Variants in CACNB1 observed in about 807,000 individuals in gnomAD.
CACNB1 encodes the protein voltage-dependent L-type calcium channel subunit beta-1.
Under a neutral mutation model 71.6 loss-of-function variants are expected in CACNB1, and 29 were observed. That is an observed-to-expected ratio of 0.40 (90% CI 0.30 to 0.55). The LOEUF is 0.55. Among genes scored for constraint, CACNB1 ranks in the 20% least tolerant of loss-of-function variants. The probability of loss-of-function intolerance (pLI) is 0.38; values close to 1 mark genes in which losing one functional copy is unlikely to be tolerated. For missense variants in CACNB1, 623 were observed against 801.8 expected, an observed-to-expected ratio of 0.78 and a Z score of 2.69; for synonymous variants, 300 against 319.6, an observed-to-expected ratio of 0.94 and a Z score of 0.65.
At chr17:39,176,012 T>A (rs901774689) in intron 13 of CACNB1, among the ~76,000 whole-genome samples, 1 of 152,204 alleles carries the variant, frequency 6.6e-6, no homozygotes, top group Non-Finnish European at 1.5e-5. Flanking sequence ...GTATTGCCAC[T>A]CATTAGCGGT....
chr17:39,177,024 GCTCCCATCAGGC>G, intron 13 of CACNB1: 1 of 944,084 alleles, frequency 1.1e-6, no homozygotes, highest in Non-Finnish European at 1.4e-6. Context: ...TCTTAAAAGC[GCTCCCATCAGGC>G]CTCATATCCA....
intron 11 of CACNB1, among the ~76,000 whole-genome samples, chr17:39,178,483 C>T (rs1351685169): frequency 5.9e-5 from 9 of 151,680 alleles, no homozygotes; most frequent in Non-Finnish European, 1.2e-4. Flanking sequence ...TGGGCTCAAG[C>T]GAGCCCCCAG....
chr17:39,191,832 G>C (rs2046088190), intron 2 of CACNB1: 2 of 512,440 alleles, frequency 3.9e-6, no homozygotes, highest in South Asian at 5.2e-5. Context: ...GATGAAGGCA[G>C]GCCCAAGGAC....
chr17:39,182,977 T>C, intron 11 of CACNB1: 2 of 983,530 alleles, frequency 2.0e-6, no homozygotes, highest in Non-Finnish European at 1.2e-6. Context: ...CCACCTCAAC[T>C]CTTCCTCCGT....
intron 11 of CACNB1, among the ~76,000 whole-genome samples, chr17:39,181,384 G>A (rs1163282397): frequency 6.6e-6 from 1 of 152,110 alleles, no homozygotes; most frequent in Non-Finnish European, 1.5e-5. Context: ...GTGAGCCACC[G>A]TGCCTGGCCC....
chr17:39,185,476 G>C (rs866054502), intron 6 of CACNB1, among the ~76,000 whole-genome samples: 1 of 152,048 alleles, frequency 6.6e-6, no homozygotes, highest in Non-Finnish European at 1.5e-5. Context: ...CCCCTATCTT[G>C]TTGCCCATCT....
chr17:39,182,541 A>C (rs2045799752), intron 11 of CACNB1, among the ~76,000 whole-genome samples: 1 of 151,584 alleles, frequency 6.6e-6, no homozygotes, highest in African/African-American at 2.4e-5. Context: ...TCTACTAAAA[A>C]ATACAAAAAA....
chr17:39,179,622 G>A (rs1396027198), intron 11 of CACNB1, among the ~76,000 whole-genome samples: 1 of 151,862 alleles, frequency 6.6e-6, no homozygotes. Context: ...AACTAGGCCG[G>A]GCGCAGTGGC....
chr17:39,175,153 G>A lies in CACNB1; in HGVS notation c.*40C>T. 1.3e-6 allele frequency: 2 copies of A among 1,517,018 alleles called. No individual in the cohort carries two copies. The allele number at this position is 1,517,018 out of a possible 1,614,324, so 94.0% of individuals were successfully genotyped here. On this transcript the variant is annotated 3_prime_UTR_variant, in exon 14 of 14. Coordinates refer to ENST00000394303, the MANE Select transcript of CACNB1 (RefSeq NM_000723.5). The surrounding 1 kb of genome is among the most constrained non-coding windows in gnomAD (Gnocchi z 4.7). ...AGCCCCTCGCTCCCTCCCCTCCCCT[G>A]GGCTCAGAGCCCTTCCTCCCGCCGT...
intron 13 of CACNB1, 153 bp downstream of exon 13, chr17:39,177,197 A>G: frequency 1.3e-6 from 2 of 1,496,366 alleles, no homozygotes; most frequent in Non-Finnish European, 1.8e-6. Context: ...TGTTCCCTGC[A>G]CTCCAGTTCC....
chr17:39,185,383 ACAGT>A (rs1484483364), intron 6 of CACNB1, among the ~76,000 whole-genome samples: 1 of 152,162 alleles, frequency 6.6e-6, no homozygotes, highest in African/African-American at 2.4e-5. Context: ...AGCAGGACTG[ACAGT>A]CAGTCCAGTG....
In CACNB1 at chr17:39,186,953, T is replaced by C. The variant is rs369770598; in HGVS notation, c.415-24A>G. The C allele has an allele frequency of 6.2e-7, 1 of 1,610,338 alleles. No homozygotes were observed. The highest frequency in any genetic ancestry group is 8.5e-7 in the Non-Finnish European group (1 of 1,177,740). ...TTCTGCAAAGAATATGGCAGGTGGG[T>C]GGAAAGAGCAAGAGGGAAACTGCAG... On this transcript the variant is annotated intron_variant, in intron 4 of 13. Transcript: ENST00000394303. This position sits in a 1 kb window ranked among gnomAD's most constrained non-coding sequence, Gnocchi z 4.1.
chr17:39,175,363 C>T lies in CACNB1; in HGVS notation c.1627G>A (p.Ala543Thr). Residue 543 changes from alanine to threonine, a missense_variant, in exon 14 of 14, where the codon GCC becomes ACC. Physicochemically the swap from Ala to Thr is moderately conservative, Grantham distance 58. Coordinates refer to ENST00000394303, the MANE Select transcript of CACNB1 (RefSeq NM_000723.5). This position sits in a 1 kb window ranked among gnomAD's most constrained non-coding sequence, Gnocchi z 4.7. Reference protein sequence around the residue: ...GDPAGGGTPPARQGSWEDEEE... With the variant: ...GDPAGGGTPPTRQGSWEDEEE... Reference sequence around the variant, plus strand: ...TCGTCCTCCCAGGATCCCTGTCGGGCTGGGGGCGTGCCGCCCCCTGCAGGG... The same window carrying T: ...TCGTCCTCCCAGGATCCCTGTCGGGTTGGGGGCGTGCCGCCCCCTGCAGGG... 1 of 1,614,152 alleles carries T rather than the reference C, an allele frequency of 6.2e-7. No individual in the cohort carries two copies. The highest frequency in any genetic ancestry group is 8.5e-7 in the Non-Finnish European group (1 of 1,180,038).
intron 13 of CACNB1, 199 bp downstream of exon 13, chr17:39,177,151 T>C: frequency 1.4e-6 from 2 of 1,429,932 alleles, no homozygotes; most frequent in Non-Finnish European, 1.8e-6. Flanking sequence ...CTCATCTTAT[T>C]TTTTTACAAA....
In CACNB1 at chr17:39,186,587, G is replaced by A. The variant is rs1488368911; in HGVS notation, c.552-15C>T. The A allele has an allele frequency of 1.2e-6, 2 of 1,610,614 alleles. No homozygotes were observed. The highest frequency in any genetic ancestry group is 2.7e-5 in the African/African-American group (2 of 74,846). The stretch of plus-strand genomic sequence containing the variant: ...CGCCTGATTTGCTGTGTGGGCAGAG[G>A]CAAACCGAGCTTGTGAGCAAAGAGG... On this transcript the variant is annotated splice_polypyrimidine_tract_variant and intron_variant, in intron 5 of 13. Transcript: ENST00000394303. The surrounding 1 kb of genome is among the most constrained non-coding windows in gnomAD (Gnocchi z 4.1).
intron 3 of CACNB1, among the ~76,000 whole-genome samples, chr17:39,188,815 G>A (rs910839411): frequency 7.9e-5 from 12 of 152,124 alleles, no homozygotes; most frequent in African/African-American, 2.9e-4. Flanking sequence ...GGGCAAGGCA[G>A]GTGGATCACT....
rs867320402 is a variant in CACNB1, at chr17:39,194,970, C to A, written c.85G>T (p.Gly29Cys). 6.2e-7 allele frequency: 1 copy of A among 1,606,940 alleles called. No homozygotes were observed. Among genetic ancestry groups the A allele is most frequent in the Middle Eastern group, 1.7e-4 (1 of 6,042 alleles). Residue 29 changes from glycine to cysteine, a missense_variant and splice_region_variant, in exon 2 of 14, where the codon GGC (glycine) becomes TGC (cysteine). Coordinates refer to ENST00000394303, the MANE Select transcript of CACNB1 (RefSeq NM_000723.5). The surrounding 1 kb of genome is among the most constrained non-coding windows in gnomAD (Gnocchi z 4.6). ...CGCCCTTTCCTCTTGCTGTATTTGC[C>A]CTGAAGAGGCCAGGAAAGGAACAAG... The part of the protein sequence containing the change: ...PMEVFDPSPQ[G>C]KYSKRKGRFK...
At chr17:39,193,109 C>T in intron 2 of CACNB1, 1 of 218,708 alleles carries the variant, frequency 4.6e-6, no homozygotes, top group South Asian at 4.8e-5. Flanking sequence ...TACGCGCGCA[C>T]ACACTCACTG....
chr17:39,197,535 C>G lies in CACNB1; in HGVS notation c.-40G>C. ...CCTCCCGCCGCCGGCCCGGCCCAGC[C>G]GGGCTCCCTCAGCGCATGGGAGAGG... is the stretch of plus-strand genomic sequence containing the variant. On this transcript the variant is annotated 5_prime_UTR_variant, in exon 1 of 14. Transcript: ENST00000394303. The G allele has an allele frequency of 6.9e-7, 1 of 1,449,190 alleles. No homozygotes were observed. The highest frequency in any genetic ancestry group is 9.2e-7 in the Non-Finnish European group (1 of 1,087,958). 89.8% of individuals were successfully genotyped at this position (1,449,190 alleles called of 1,614,324 possible).
Sources: allele counts gnomAD v4.1 joint callset (sites outside exome capture counted in the v4.1 genomes callset), GRCh38; gene constraint gnomAD v4.1.1; non-coding constraint Gnocchi (gnomAD v3.1); transcripts MANE v1.5; gene names NCBI Gene and HGNC (gene_info 2026-07-23, HGNC 2026-07-21).